The following FSCN2 variants were observed in gnomAD, a reference collection of about 807,000 sequenced individuals.
FSCN2 encodes the protein fascin-2.
A neutral mutation model predicts 37.8 loss-of-function variants in FSCN2; 46 were observed. The ratio of observed to expected loss-of-function variants is 1.22; its 90% CI spans 0.96 to 1.56. The LOEUF (loss-of-function observed/expected upper bound fraction) is 1.56. Ranked by LOEUF, FSCN2 falls within the 40% of genes most tolerant of loss-of-function variation. The probability of loss-of-function intolerance (pLI) is 0.00; values close to 1 mark genes in which losing one functional copy is unlikely to be tolerated. For missense variants in FSCN2, 844 were observed against 730.4 expected (o/e 1.16, Z -1.79); for synonymous variants, 351 against 309.4 (o/e 1.13, Z -1.41).
upstream of FSCN2, among the ~76,000 whole-genome samples, chr17:81,525,379 T>TTG (rs2032318792): frequency 2.2e-5 from 3 of 134,108 alleles, no homozygotes; most frequent in Non-Finnish European, 4.6e-5. Flanking sequence ...TGAGCTGAGA[T>TTG]CACGCCACTG....
intron 1 of FSCN2, among the ~76,000 whole-genome samples, chr17:81,532,554 ATGG>A (rs1372400572): frequency 4.5e-4 from 62 of 138,354 alleles, no homozygotes; most frequent in Non-Finnish European, 4.8e-4. Context: ...GGTGATGGTG[ATGG>A]TGGTGATGGT....
At position 81,536,901 on chromosome 17, in the gene FSCN2, G is replaced by T. The variant is rs1446613308; in HGVS notation, c.1300G>T (p.Gly434Cys). Reference protein sequence around the residue: ...RGRDGGFWYTGSHGSVCSDGE... With the variant: ...RGRDGGFWYTCSHGSVCSDGE... ...CCGCGACGGAGGGTTCTGGTACACG[G>T]GCAGCCACGGCAGCGTGTGCAGCGA... The change falls in exon 5 of 5, where the codon GGC becomes TGC. Residue 434 changes from glycine (G) to cysteine (C), a missense_variant. Physicochemically the swap from Gly to Cys is radical, Grantham distance 159. Transcript: ENST00000417245. 1.9e-6 allele frequency: 3 copies of T among 1,574,790 alleles called. No individual in the cohort carries two copies. In the African/African-American group the frequency reaches 4.2e-5, roughly 22 times the overall value.
Position 81,537,022 on chromosome 17 carries a change from C to T in FSCN2, c.1421C>T (p.Ser474Leu), listed in dbSNP as rs901478325. Residue 474 changes from serine to leucine, a missense_variant, in exon 5 of 5, where the codon TCG becomes TTG. Coordinates refer to ENST00000417245, the MANE Select transcript of FSCN2 (RefSeq NM_012418.4). ...GGCAAGTACCTGCGCGGCGGCGCCTCGGGCCTGCTGCGGGCCGATGCCGAC... is the reference window on the plus strand; with the variant it reads ...GGCAAGTACCTGCGCGGCGGCGCCTTGGGCCTGCTGCGGGCCGATGCCGAC... Reference protein sequence around the residue: ...RSGKYLRGGASGLLRADADAP... With the variant: ...RSGKYLRGGALGLLRADADAP... 10 of 1,501,108 alleles carry T rather than the reference C, an allele frequency of 6.7e-6. No individual in the cohort carries two copies. The Admixed American group carries it at 1.5e-4, about 23-fold the overall frequency. The allele number at this position is 1,501,108 out of a possible 1,614,324, so 93.0% of individuals were successfully genotyped here.
In FSCN2 at chr17:81,529,132, G is replaced by C. The variant is rs782058911; in HGVS notation, c.601G>C (p.Val201Leu). Residue 201 changes from valine to leucine, a missense_variant, in exon 1 of 5, where the codon GTC becomes CTC. Coordinates refer to ENST00000417245, the MANE Select transcript of FSCN2 (RefSeq NM_012418.4). Reference protein sequence around the residue: ...SRYLRSDGRLVWEPEPRACYT... With the variant: ...SRYLRSDGRLLWEPEPRACYT... ...CTACCTGCGCAGCGACGGCCGTCTG[G>C]TCTGGGAGCCTGAGCCCCGTGCCTG... The C allele has an allele frequency of 1.3e-6, 2 of 1,584,334 alleles. No individual in the cohort carries two copies. The highest frequency in any genetic ancestry group is 2.7e-5 in the African/African-American group (2 of 74,358).
the FSCN2 span, among the ~76,000 whole-genome samples, chr17:81,521,363 C>CT: frequency 0.098 from 13,203 of 134,608 alleles, 1,291 homozygotes; most frequent in African/African-American, 0.25. Flanking sequence ...CCAAGCCCAG[C>CT]TTTTTTTTTT....
the FSCN2 span, among the ~76,000 whole-genome samples, chr17:81,522,508 A>G: frequency 6.6e-6 from 1 of 152,228 alleles, no homozygotes; most frequent in African/African-American, 2.4e-5. Context: ...GTTTTGTCCC[A>G]GAAGTCAGAG....
At chr17:81,528,093 G>A (rs1314714557), upstream of FSCN2, among the ~76,000 whole-genome samples, 1 of 152,042 alleles carries the variant, frequency 6.6e-6, no homozygotes, top group Non-Finnish European at 1.5e-5. Flanking sequence ...CCCACACGGG[G>A]TTGGAGGAGG....
intron 1 of FSCN2, chr17:81,530,577 C>G (rs782008828): frequency 2.0e-6 from 1 of 512,802 alleles, no homozygotes; most frequent in Non-Finnish European, 3.9e-6. Context: ...CCTCCCAACT[C>G]AGGTCCTTCC....
chr17:81,531,462 ATGATGGTGGTGGTGG>A (rs2032589761), intron 1 of FSCN2, among the ~76,000 whole-genome samples: 3 of 34,980 alleles, frequency 8.6e-5, no homozygotes, highest in African/African-American at 3.2e-4. Context: ...GGTGATGGTG[ATGATGGTGGTGGTGG>A]TGATGGTGAT....
At chr17:81,531,438 GTGGTGATGGTGGTGGTGA>G (rs2032586297) in intron 1 of FSCN2, among the ~76,000 whole-genome samples, 1 of 84,352 alleles carries the variant, frequency 1.2e-5, no homozygotes, top group Non-Finnish European at 2.5e-5. Flanking sequence ...GATGGAGATG[GTGGTGATGGTGGTGGTGA>G]TGGTGATGAT....
intron 1 of FSCN2, among the ~76,000 whole-genome samples, chr17:81,532,353 ATGG>A (rs1188260500): frequency 1.5e-4 from 20 of 136,702 alleles, no homozygotes; most frequent in Admixed American, 7.9e-4. Flanking sequence ...GATGATAGTG[ATGG>A]TGGTGATGGT....
chr17:81,516,707 G>T, the FSCN2 span, among the ~76,000 whole-genome samples: 3 of 152,220 alleles, frequency 2.0e-5, no homozygotes, highest in Admixed American at 1.3e-4. Flanking sequence ...TTGGGGCTTG[G>T]TTCTCCTGCC....
chr17:81,531,210 ATGGTGG>A lies in FSCN2; in HGVS notation c.826+1856_826+1861del, dbSNP rs1568076841. ...GGTGGTGATGGTGGTGATGGTGGTGATGGTGGTGATGGTGATAATGGTGATGGTGGT... is the reference window on the plus strand; with the variant it reads ...GGTGGTGATGGTGGTGATGGTGGTGATGATGGTGATAATGGTGATGGTGGT... On this transcript the variant is annotated intron_variant, in intron 1 of 4. Coordinates refer to ENST00000417245, the MANE Select transcript of FSCN2 (RefSeq NM_012418.4). 2.6e-4 allele frequency among the ~76,000 whole-genome samples: 29 copies of A among 111,508 alleles called. 1 individual carries two copies. Among genetic ancestry groups the A allele is most frequent in the East Asian group, 1.4e-3 (5 of 3,488 alleles). 73.2% of individuals were successfully genotyped at this position (111,508 alleles called of 152,430 possible).
intron 1 of FSCN2, chr17:81,529,564 G>A (rs1240117849): frequency 5.3e-6 from 4 of 758,260 alleles, no homozygotes; most frequent in African/African-American, 1.7e-5. Context: ...CCCACTGAGG[G>A]GTGGTGGCTT....
In FSCN2 at chr17:81,536,693, G is replaced by A. The variant is rs768693699; in HGVS notation, c.1177G>A (p.Val393Ile). ...GGTGCTGCGCGGCCTGGACGGCTTC[G>A]TCTGCCACCACCGCGGCTCCAACCA... is the stretch of plus-strand genomic sequence containing the variant. ...ILVLRGLDGF[V>I]CHHRGSNQLD... The change falls in exon 4 of 5, where the codon GTC (valine) becomes ATC (isoleucine). Residue 393 changes from valine to isoleucine, a missense_variant. Val to Ile is a conservative substitution (Grantham distance 29). Coordinates refer to ENST00000417245, the MANE Select transcript of FSCN2 (RefSeq NM_012418.4). 6 of 1,610,988 alleles carry A rather than the reference G, an allele frequency of 3.7e-6. No homozygotes were observed. The highest frequency in any genetic ancestry group is 1.7e-4 in the Middle Eastern group (1 of 6,058).
chr17:81,518,055 T>G, the FSCN2 span, among the ~76,000 whole-genome samples: 68,557 of 151,944 alleles, frequency 0.45, 15,849 homozygotes, highest in East Asian at 0.8. Flanking sequence ...AAATCCCCGC[T>G]GCTCCCAAGG....
chr17:81,533,008 C>T (rs961107084), intron 1 of FSCN2, among the ~76,000 whole-genome samples: 1 of 152,118 alleles, frequency 6.6e-6, no homozygotes, highest in Non-Finnish European at 1.5e-5. Flanking sequence ...TCTGGATTGG[C>T]GGCCAGGGCT....
In FSCN2 at chr17:81,537,001, A is replaced by G. The variant is rs1047266558; in HGVS notation, c.1400A>G (p.Lys467Arg). 14 of 1,516,858 alleles carry G rather than the reference A, an allele frequency of 9.2e-6. No homozygotes were observed. Among genetic ancestry groups the G allele is most frequent in the African/African-American group, 2.9e-5 (2 of 69,594 alleles). The allele number at this position is 1,516,858 out of a possible 1,614,324, so 94.0% of individuals were successfully genotyped here. ...GRLAIRARSGKYLRGGASGLL... is the reference protein window; with the variant it reads ...GRLAIRARSGRYLRGGASGLL... ...CTGGCCATCCGCGCCCGGAGCGGCA[A>G]GTACCTGCGCGGCGGCGCCTCGGGC... Residue 467 changes from lysine to arginine, a missense_variant, in exon 5 of 5, where the codon AAG (lysine) becomes AGG (arginine). Coordinates refer to ENST00000417245, the MANE Select transcript of FSCN2 (RefSeq NM_012418.4).
the FSCN2 span, among the ~76,000 whole-genome samples, chr17:81,517,954 C>T: frequency 6.6e-6 from 1 of 152,284 alleles, no homozygotes; most frequent in East Asian, 1.9e-4. Context: ...CACAGCCTGC[C>T]TCATGTGGCC....
Sources: gnomAD v4.1 joint callset for allele counts (sites outside exome capture counted in the v4.1 genomes callset) on GRCh38, gnomAD v4.1.1 for gene constraint, MANE v1.5 for transcripts, NCBI Gene and HGNC (gene_info 2026-07-23, HGNC 2026-07-21) for gene names.